STPG2: variants seen among roughly 807,000 people sequenced by gnomAD.
The protein encoded by STPG2 is sperm tail PG-rich repeat containing 2, also known as sperm-tail PG-rich repeat-containing protein 2.
A neutral mutation model predicts 54.2 loss-of-function variants in STPG2; 56 were observed. The ratio of observed to expected loss-of-function variants is 1.03; its 90% confidence interval spans 0.83 to 1.29. The LOEUF (loss-of-function observed/expected upper bound fraction) is 1.29, where lower values mean the gene tolerates loss of function less well. Among genes scored for constraint, STPG2 ranks in the 50% most tolerant of loss-of-function variants. The pLI, the probability that STPG2 is intolerant of heterozygous loss-of-function variation, is 0.00. For synonymous variants in STPG2, 200 were observed against 181.8 expected (o/e 1.10, Z -0.81); for missense variants, 596 against 544.9 (o/e 1.09, Z -0.93).
chr4:97,963,217 A>T (rs1183496906), intron 7 of STPG2, among the ~76,000 whole-genome samples: 1 of 152,090 alleles, frequency 6.6e-6, no homozygotes, highest in East Asian at 1.9e-4. Context: ...TCTAAATGTC[A>T]GGTTACTAAG....
chr4:98,143,032 T>C lies in STPG2; in HGVS notation c.109+10A>G. On this transcript the variant is annotated intron_variant, in intron 1 of 10. Coordinates refer to ENST00000295268, the MANE Select transcript of STPG2 (RefSeq NM_174952.3). ...CTGTCACAGGAGCTCTGCCTCTTCC[T>C]ACATCTTACCTGTCGCCTGCTGCTT... is the stretch of plus-strand genomic sequence containing the variant. 1 of 1,606,050 alleles carries C rather than the reference T, an allele frequency of 6.2e-7. No individual in the cohort carries two copies.
intron 3 of STPG2, among the ~76,000 whole-genome samples, chr4:98,128,183 C>T (rs1001235148): frequency 6.6e-6 from 1 of 152,172 alleles, no homozygotes; most frequent in African/African-American, 2.4e-5. Context: ...TGGAATAATC[C>T]TGTGTCCCTG....
chr4:97,572,737 A>T (rs1388258286), intron 10 of STPG2: 1 of 152,170 alleles, frequency 6.6e-6, no homozygotes, highest in Non-Finnish European at 1.5e-5. Context: ...GAAGGTGAAT[A>T]GTACATTTAG....
At chr4:97,671,554 C>T (rs1023313298) in intron 10 of STPG2, among the ~76,000 whole-genome samples, 1 of 152,152 alleles carries the variant, frequency 6.6e-6, no homozygotes, top group African/African-American at 2.4e-5. Flanking sequence ...ACTGTAAATG[C>T]ACCCATATAC....
intron 8 of STPG2, among the ~76,000 whole-genome samples, chr4:97,856,932 T>G (rs938111173): frequency 2.6e-5 from 4 of 152,184 alleles, no homozygotes; most frequent in Admixed American, 6.5e-5. Flanking sequence ...GGTTTTTGTC[T>G]TTATTCTCTT....
intron 10 of STPG2, among the ~76,000 whole-genome samples, chr4:97,628,821 T>C (rs956041135): frequency 3.3e-5 from 5 of 152,070 alleles, no homozygotes; most frequent in Admixed American, 2.0e-4. Flanking sequence ...ATAATATTGA[T>C]TTTTACAATA....
At chr4:97,633,609 A>G (rs986883522) in intron 10 of STPG2, 6 of 152,180 alleles carry the variant, frequency 3.9e-5, no homozygotes, top group African/African-American at 1.4e-4. Flanking sequence ...GGAGTGCCAG[A>G]CAGTGGGCGC....
chr4:97,802,185 G>A (rs1165600650), intron 9 of STPG2, among the ~76,000 whole-genome samples: 1 of 152,124 alleles, frequency 6.6e-6, no homozygotes, highest in Non-Finnish European at 1.5e-5. Flanking sequence ...CTCTCCATAA[G>A]AGCACATTCT....
chr4:97,943,281 TACAA>T (rs1026965402), intron 8 of STPG2, among the ~76,000 whole-genome samples: 2 of 152,148 alleles, frequency 1.3e-5, no homozygotes, highest in Non-Finnish European at 2.9e-5. Context: ...TTTAAGAGGA[TACAA>T]ACATTTAGAC....
chr4:97,782,294 A>C (rs1270486246), intron 9 of STPG2, among the ~76,000 whole-genome samples: 1 of 152,220 alleles, frequency 6.6e-6, no homozygotes. Flanking sequence ...AATAACAGAC[A>C]GAGAGCCATA....
chr4:97,559,708 TTC>T (rs1309427300), intron 10 of STPG2, among the ~76,000 whole-genome samples: 1 of 152,174 alleles, frequency 6.6e-6, no homozygotes, highest in African/African-American at 2.4e-5. Context: ...TAACCTTCAA[TTC>T]TCTCTTTTCT....
chr4:97,591,671 G>C (rs1265928998), intron 10 of STPG2, among the ~76,000 whole-genome samples: 1 of 152,116 alleles, frequency 6.6e-6, no homozygotes, highest in Non-Finnish European at 1.5e-5. Flanking sequence ...ACCCCAGTCT[G>C]CCATGGTTCA....
intron 10 of STPG2, among the ~76,000 whole-genome samples, chr4:97,606,760 C>T (rs1203675386): frequency 1.3e-5 from 2 of 151,676 alleles, no homozygotes; most frequent in Non-Finnish European, 2.9e-5. Context: ...TGTCTTTTAC[C>T]TCTAAACATA....
intron 10 of STPG2, among the ~76,000 whole-genome samples, chr4:97,563,836 G>T (rs1016549806): frequency 9.2e-5 from 14 of 152,144 alleles, no homozygotes; most frequent in Non-Finnish European, 1.5e-4. Flanking sequence ...TTTTACATTT[G>T]CTGAGGAGAG....
chr4:97,462,168 A>C (rs1488345394), intron 4 of STPG2, among the ~76,000 whole-genome samples: 1 of 151,992 alleles, frequency 6.6e-6, no homozygotes, highest in Non-Finnish European at 1.5e-5. Context: ...ATGGAAACCC[A>C]GTTGAATGAG....
chr4:98,106,043 T>G lies in STPG2; in HGVS notation c.522A>C (p.Glu174Asp), dbSNP rs1247193302. The change falls in exon 5 of 11, where the codon GAA becomes GAC. Residue 174 changes from glutamate (E) to aspartate (D), a missense_variant. Glu to Asp is a conservative substitution (Grantham distance 45). Transcript: ENST00000295268. ...GTTGATCTCTCTTGATGTTAACATT[T>G]TCATAATATGATGTCTTTTTCCTTC... ...DIVQKKTSYYENVNIKRDQQQ... is the reference protein window; with the variant it reads ...DIVQKKTSYYDNVNIKRDQQQ... 6.8e-7 allele frequency: 1 copy of G among 1,477,944 alleles called. No homozygotes were observed. Among genetic ancestry groups the G allele is most frequent in the Non-Finnish European group, 9.2e-7 (1 of 1,083,988 alleles). The allele number at this position is 1,477,944 out of a possible 1,614,324, so 91.6% of individuals were successfully genotyped here. A position where few individuals can be genotyped will look rare whatever the true frequency, so the allele number is the denominator to read the frequency against.
chr4:97,682,988 T>A (rs551783835), intron 10 of STPG2, among the ~76,000 whole-genome samples: 1 of 151,974 alleles, frequency 6.6e-6, no homozygotes, highest in East Asian at 1.9e-4. Flanking sequence ...CTAACTGTTG[T>A]CATGTAGAAA....
chr4:97,945,487 T>A (rs1384302821), intron 7 of STPG2, among the ~76,000 whole-genome samples: 3 of 152,188 alleles, frequency 2.0e-5, no homozygotes, highest in Non-Finnish European at 4.4e-5. Context: ...TGGTTCCTTA[T>A]CTTTGCAATT....
At chr4:97,567,059 A>C (rs548516897) in intron 10 of STPG2, among the ~76,000 whole-genome samples, 1 of 151,858 alleles carries the variant, frequency 6.6e-6, no homozygotes, top group Non-Finnish European at 1.5e-5. Flanking sequence ...AATAAATAAA[A>C]GAAAGAAATG....
Sources: allele counts gnomAD v4.1 joint callset (sites outside exome capture counted in the v4.1 genomes callset), GRCh38; gene constraint gnomAD v4.1.1; transcripts MANE v1.5; gene names NCBI Gene and HGNC (gene_info 2026-07-23, HGNC 2026-07-21).